Variants in PPP2R3A observed in about 807,000 individuals in gnomAD.
The protein encoded by PPP2R3A is serine/threonine-protein phosphatase 2A regulatory subunit B'' subunit alpha.
In PPP2R3A, 80 loss-of-function variants were observed where a neutral mutation model predicts 106.9. The observed-to-expected ratio is 0.75, with a 90% CI of 0.62 to 0.90. The LOEUF (loss-of-function observed/expected upper bound fraction) is 0.90. Ranked by LOEUF, PPP2R3A falls within the 40% of genes least tolerant of loss-of-function variation. The pLI is 0.00. For synonymous variants in PPP2R3A, 483 were observed against 468.3 expected (o/e 1.03, Z -0.41); for missense variants, 1,386 against 1,350.4 (o/e 1.03, Z -0.41).
intron 10 of PPP2R3A, among the ~76,000 whole-genome samples, chr3:136,094,678 A>G (rs112764208): frequency 0.048 from 7,339 of 152,294 alleles, 571 homozygotes; most frequent in African/African-American, 0.16. Context: ...ACTCACCTAA[A>G]AAGAAATACA....
intron 2 of PPP2R3A, among the ~76,000 whole-genome samples, chr3:136,014,989 G>A (rs1320945977): frequency 6.6e-6 from 1 of 152,014 alleles, no homozygotes; most frequent in East Asian, 1.9e-4. Context: ...ATTACCTTAA[G>A]GTATATCCCT....
At position 136,002,095 on chromosome 3, in the gene PPP2R3A, C is replaced by T; in HGVS notation, c.597C>T (p.Ser199=). ...HRNSLDTNLT[S]MFLQNFSEED... is the part of the protein sequence containing the mutation. ...ACTCACTGGATACGAACCTGACTTC[C>T]ATGTTTCTTCAAAACTTTTCTGAAG... The change falls in exon 2 of 14, where the codon TCC becomes TCT. Residue 199 remains serine, a synonymous_variant. Transcript: ENST00000264977. 1 of 1,614,092 alleles carries T rather than the reference C, an allele frequency of 6.2e-7. No homozygotes were observed. The highest frequency in any genetic ancestry group is 8.5e-7 in the Non-Finnish European group (1 of 1,179,996).
At chr3:136,048,570 G>A (rs1423406000) in intron 4 of PPP2R3A, among the ~76,000 whole-genome samples, 1 of 152,048 alleles carries the variant, frequency 6.6e-6, no homozygotes, top group Non-Finnish European at 1.5e-5. Context: ...TACTCTGGAG[G>A]CTGAGGCAGG....
intron 3 of PPP2R3A, among the ~76,000 whole-genome samples, chr3:136,029,867 T>C (rs1267408323): frequency 6.6e-6 from 1 of 152,210 alleles, no homozygotes; most frequent in Non-Finnish European, 1.5e-5. Flanking sequence ...GGTAGCAAAG[T>C]AAACTGCACA....
chr3:136,079,406 A>ATTT (rs199806582), intron 7 of PPP2R3A: 52 of 156,946 alleles, frequency 3.3e-4, no homozygotes, highest in South Asian at 1.3e-3. Context: ...ATAATCCATA[A>ATTT]TTTTTTTTTT....
chr3:136,059,992 G>T (rs1936021619), intron 5 of PPP2R3A, among the ~76,000 whole-genome samples: 1 of 152,178 alleles, frequency 6.6e-6, no homozygotes, highest in Admixed American at 6.5e-5. Flanking sequence ...GTTGGAGGGG[G>T]TAGGAGGAAG....
chr3:136,147,548 T>C lies in PPP2R3A; in HGVS notation c.*2382T>C, dbSNP rs1939186460. 1 of 152,616 alleles carries C rather than the reference T, an allele frequency of 6.6e-6. No homozygotes were observed. The highest frequency in any genetic ancestry group is 1.5e-5 in the Non-Finnish European group (1 of 68,038). 9.5% of individuals were successfully genotyped at this position (152,616 alleles called of 1,614,324 possible). A position where few individuals can be genotyped will look rare whatever the true frequency, so the allele number is the denominator to read the frequency against. ...AATTAAGGTAGAATATATTTGACTT[T>C]CTGGTAAAGATCATGGTTAAGTATA... On this transcript the variant is annotated 3_prime_UTR_variant, in exon 14 of 14. Coordinates refer to ENST00000264977, the MANE Select transcript of PPP2R3A (RefSeq NM_002718.5).
At position 136,003,060 on chromosome 3, in the gene PPP2R3A, A is replaced by C. The variant is rs773328332; in HGVS notation, c.1562A>C (p.Gln521Pro). Residue 521 changes from glutamine to proline, a missense_variant, in exon 2 of 14, where the codon CAG (glutamine) becomes CCG (proline). Transcript: ENST00000264977. The part of the protein sequence containing the change: ...KLLMDLESFS[Q>P]KMETSLREPL... ...TTAATGGATTTGGAATCTTTTTCAC[A>C]GAAGATGGAGACCTCTCTAAGAGAG... 1 of 1,611,850 alleles carries C rather than the reference A, an allele frequency of 6.2e-7. No individual in the cohort carries two copies. The highest frequency in any genetic ancestry group is 2.2e-5 in the East Asian group (1 of 44,876).
At chr3:135,968,798 C>T (rs908567957) in intron 1 of PPP2R3A, among the ~76,000 whole-genome samples, 2 of 152,178 alleles carry the variant, frequency 1.3e-5, no homozygotes, top group Non-Finnish European at 2.9e-5. Context: ...TATCTTTCCT[C>T]TTACTGTTTT....
chr3:136,011,725 G>A (rs899611041), intron 2 of PPP2R3A, among the ~76,000 whole-genome samples: 1 of 152,142 alleles, frequency 6.6e-6, no homozygotes, highest in African/African-American at 2.4e-5. Flanking sequence ...CATCTCCCTT[G>A]AGATTGCCAG....
At chr3:136,104,292 C>A (rs547649375) in intron 12 of PPP2R3A, among the ~76,000 whole-genome samples, 1 of 129,362 alleles carries the variant, frequency 7.7e-6, no homozygotes, top group Non-Finnish European at 1.7e-5. Context: ...ATATTTGTTT[C>A]TTTCTTTGTG....
At chr3:136,050,507 G>A (rs895334774) in intron 5 of PPP2R3A, among the ~76,000 whole-genome samples, 7 of 152,248 alleles carry the variant, frequency 4.6e-5, no homozygotes, top group African/African-American at 1.7e-4. Context: ...GCCATCTTTG[G>A]CTAGCAGATT....
At chr3:136,139,499 C>G (rs562439518) in intron 13 of PPP2R3A, among the ~76,000 whole-genome samples, 1 of 152,016 alleles carries the variant, frequency 6.6e-6, no homozygotes, top group East Asian at 1.9e-4. Context: ...TCGAGGCCAT[C>G]CTAGCCAACA....
rs1376554707 is a variant in PPP2R3A, at chr3:136,027,181, AC to A, written c.2262+89del. ...CCCCTTCTCTAGAAACCCGGATCCC[AC>A]CCCCCTTCACTGCCTCTTTGCTCTG... On this transcript the variant is annotated intron_variant, in intron 3 of 13. Transcript: ENST00000264977. 8.9e-6 allele frequency: 11 copies of A among 1,235,860 alleles called. No homozygotes were observed. In the Middle Eastern group the frequency reaches 8.3e-4, roughly 94 times the overall value. 76.6% of individuals were successfully genotyped at this position (1,235,860 alleles called of 1,614,324 possible). A position where few individuals can be genotyped will look rare whatever the true frequency, so the allele number is the denominator to read the frequency against.
intron 4 of PPP2R3A, among the ~76,000 whole-genome samples, chr3:136,041,240 T>A (rs1935263021): frequency 7.8e-6 from 1 of 128,566 alleles, no homozygotes; most frequent in African/African-American, 3.3e-5. Flanking sequence ...TTTTTCTTGT[T>A]TTTTTTTTTG....
chr3:136,013,640 T>C (rs1384533728), intron 2 of PPP2R3A, among the ~76,000 whole-genome samples: 1 of 152,140 alleles, frequency 6.6e-6, no homozygotes, highest in Non-Finnish European at 1.5e-5. Flanking sequence ...TTGTTGGCCA[T>C]TTGTACGTCT....
At chr3:136,029,658 A>C (rs1465817931) in intron 3 of PPP2R3A, among the ~76,000 whole-genome samples, 1 of 152,228 alleles carries the variant, frequency 6.6e-6, no homozygotes, top group Non-Finnish European at 1.5e-5. Flanking sequence ...AAAAAGATAG[A>C]AAACTAATTT....
At chr3:136,089,521 C>T (rs139680584) in intron 9 of PPP2R3A, among the ~76,000 whole-genome samples, 216 of 151,572 alleles carry the variant, frequency 1.4e-3, no homozygotes, top group Middle Eastern at 0.014. Flanking sequence ...ACTATGATAC[C>T]TCTCGCTTGG....
At chr3:136,124,889 A>G (rs1382644536) in intron 13 of PPP2R3A, among the ~76,000 whole-genome samples, 1 of 152,226 alleles carries the variant, frequency 6.6e-6, no homozygotes, top group Non-Finnish European at 1.5e-5. Flanking sequence ...CAAATTTCAC[A>G]CCTTGGATGA....
Sources: allele counts gnomAD v4.1 joint callset (sites outside exome capture counted in the v4.1 genomes callset), GRCh38; gene constraint gnomAD v4.1.1; transcripts MANE v1.5; gene names NCBI Gene and HGNC (gene_info 2026-07-23, HGNC 2026-07-21).